KCTD16: variants seen among roughly 807,000 people sequenced by gnomAD.
The protein encoded by KCTD16 is potassium channel tetramerization domain containing 16, also known as BTB/POZ domain-containing protein KCTD16.
Under a neutral mutation model 33.2 loss-of-function variants are expected in KCTD16, and 13 were observed. That is an observed-to-expected ratio of 0.39 (90% CI 0.25 to 0.62). KCTD16 has a LOEUF of 0.62. Among genes scored for constraint, KCTD16 ranks in the 20% least tolerant of loss-of-function variants. The probability of loss-of-function intolerance (pLI) is 0.50; values close to 1 mark genes in which losing one functional copy is unlikely to be tolerated. For synonymous variants in KCTD16, 197 were observed against 195.3 expected (o/e 1.01, Z -0.07); for missense variants, 441 against 525.1 (o/e 0.84, Z 1.57).
At chr5:144,456,220 T>C (rs1754058737) in intron 3 of KCTD16, among the ~76,000 whole-genome samples, 1 of 151,496 alleles carries the variant, frequency 6.6e-6, no homozygotes, top group African/African-American at 2.4e-5. Flanking sequence ...CCCAACAAAA[T>C]ATAATTTTGC....
chr5:144,342,914 T>C (rs1752685848), intron 3 of KCTD16, among the ~76,000 whole-genome samples: 1 of 152,242 alleles, frequency 6.6e-6, no homozygotes, highest in Non-Finnish European at 1.5e-5. Context: ...CAGCCTTGCA[T>C]CCCAGGGATG....
At chr5:144,200,043 A>G (rs948847911) in intron 2 of KCTD16, among the ~76,000 whole-genome samples, 2 of 152,246 alleles carry the variant, frequency 1.3e-5, no homozygotes, top group Admixed American at 1.3e-4. Context: ...AGAAATGTAT[A>G]CTTGCGTACA....
At chr5:144,332,865 G>T (rs946638421) in intron 3 of KCTD16, among the ~76,000 whole-genome samples, 1 of 152,154 alleles carries the variant, frequency 6.6e-6, no homozygotes, top group African/African-American at 2.4e-5. Context: ...CCACATAGCT[G>T]GGAAGGCCTC....
chr5:144,353,846 G>T (rs1751504732), intron 3 of KCTD16, among the ~76,000 whole-genome samples: 1 of 151,670 alleles, frequency 6.6e-6, no homozygotes, highest in Non-Finnish European at 1.5e-5. Flanking sequence ...CGCAAAAAGG[G>T]GTTTAAAACT....
At chr5:144,304,254 G>A (rs917829549) in intron 3 of KCTD16, among the ~76,000 whole-genome samples, 1 of 152,202 alleles carries the variant, frequency 6.6e-6, no homozygotes, top group African/African-American at 2.4e-5. Flanking sequence ...GGGTAATAGT[G>A]CTGTGGGGAA....
intron 3 of KCTD16, among the ~76,000 whole-genome samples, chr5:144,257,408 G>C (rs1293440122): frequency 1.3e-5 from 2 of 152,062 alleles, no homozygotes; most frequent in African/African-American, 4.8e-5. Flanking sequence ...ATTTGTTTCA[G>C]GTTTGCAAAT....
At chr5:144,359,142 A>G (rs1751645400) in intron 3 of KCTD16, among the ~76,000 whole-genome samples, 1 of 152,210 alleles carries the variant, frequency 6.6e-6, no homozygotes. Context: ...TACTTACTGC[A>G]TCGGAAATTA....
At chr5:144,244,022 C>A (rs1259490663) in intron 3 of KCTD16, among the ~76,000 whole-genome samples, 1 of 152,146 alleles carries the variant, frequency 6.6e-6, no homozygotes, top group Non-Finnish European at 1.5e-5. Context: ...GGATTACAGG[C>A]ATGAGCCACC....
In KCTD16 at chr5:144,266,782, A is replaced by ATT. The variant is rs35899622; in HGVS notation, c.832+59245_832+59246dup. Reference sequence around the variant, plus strand: ...ACCCAGCTAATCACACAAGATTTCTATTTTTTTTTTATAGCCAGCAGTTGG... The same window carrying ATT: ...ACCCAGCTAATCACACAAGATTTCTATTTTTTTTTTTTATAGCCAGCAGTTGG... On this transcript the variant is annotated intron_variant, in intron 3 of 3. Coordinates refer to ENST00000512467, the MANE Select transcript of KCTD16 (RefSeq NM_020768.4). Among the ~76,000 whole-genome samples, 90 of 149,682 alleles carry ATT rather than the reference A, an allele frequency of 6.0e-4. 1 individual carries two copies. Among genetic ancestry groups the ATT allele is most frequent in the East Asian group, 9.8e-4 (5 of 5,078 alleles).
chr5:144,482,373 A>G lies in KCTD16; in HGVS notation c.*8259A>G, dbSNP rs1212573297. On this transcript the variant is annotated 3_prime_UTR_variant, in exon 4 of 4. Transcript: ENST00000512467. ...CTGATACCCTAAGAAACTCACCGTG[A>G]TAAGCTAGCTTCCACGTCTGGAGAA... is the stretch of plus-strand genomic sequence containing the variant. 1 of 151,954 alleles carries G rather than the reference A, an allele frequency of 6.6e-6. No homozygotes were observed. Among genetic ancestry groups the G allele is most frequent in the Non-Finnish European group, 1.5e-5 (1 of 67,938 alleles). 9.4% of individuals were successfully genotyped at this position (151,954 alleles called of 1,614,324 possible).
At chr5:144,296,236 A>G (rs1480411298) in intron 3 of KCTD16, among the ~76,000 whole-genome samples, 1 of 152,226 alleles carries the variant, frequency 6.6e-6, no homozygotes, top group African/African-American at 2.4e-5. Context: ...AAAGGACCCC[A>G]GGAGGTCTGG....
intron 3 of KCTD16, among the ~76,000 whole-genome samples, chr5:144,365,909 G>A (rs1489610162): frequency 1.3e-5 from 2 of 152,104 alleles, no homozygotes; most frequent in African/African-American, 4.8e-5. Context: ...TTCTGCCATT[G>A]GTGTAAAAAT....
At chr5:144,245,327 A>G (rs1754519850) in intron 3 of KCTD16, among the ~76,000 whole-genome samples, 1 of 152,224 alleles carries the variant, frequency 6.6e-6, no homozygotes. Context: ...ATGAGGGAAT[A>G]GAGGGTTTAA....
intron 3 of KCTD16, among the ~76,000 whole-genome samples, chr5:144,266,553 A>C (rs1455434748): frequency 6.6e-6 from 1 of 152,348 alleles, no homozygotes; most frequent in East Asian, 1.9e-4. Flanking sequence ...AAAGCCTGAG[A>C]ATCTAATGGG....
intron 2 of KCTD16, among the ~76,000 whole-genome samples, chr5:144,184,643 T>G (rs888500539): frequency 1.3e-5 from 2 of 152,318 alleles, no homozygotes; most frequent in Non-Finnish European, 2.9e-5. Context: ...GCACAAAGGT[T>G]CTAATTGCTC....
chr5:144,395,533 G>A (rs191874763), intron 3 of KCTD16, among the ~76,000 whole-genome samples: 91 of 152,222 alleles, frequency 6.0e-4, no homozygotes, highest in African/African-American at 2.1e-3. Context: ...ATCGCAGCTG[G>A]GCCAGCTGCC....
intron 3 of KCTD16, among the ~76,000 whole-genome samples, chr5:144,398,364 C>G (rs1752626226): frequency 6.6e-6 from 1 of 152,116 alleles, no homozygotes; most frequent in African/African-American, 2.4e-5. Context: ...CACATACTAA[C>G]ATTTTTATTA....
chr5:144,361,320 C>T (rs1751707717), intron 3 of KCTD16, among the ~76,000 whole-genome samples: 1 of 152,040 alleles, frequency 6.6e-6, no homozygotes, highest in Admixed American at 6.6e-5. Context: ...ATTTCTGGTT[C>T]TAGATTGTTG....
intron 2 of KCTD16, among the ~76,000 whole-genome samples, chr5:144,197,084 G>T (rs1025159467): frequency 4.6e-5 from 7 of 152,182 alleles, no homozygotes; most frequent in Admixed American, 3.3e-4. Flanking sequence ...CTACACACAT[G>T]TTTGGAAAGA....
Sources: gnomAD v4.1 joint callset for allele counts (sites outside exome capture counted in the v4.1 genomes callset) on GRCh38, gnomAD v4.1.1 for gene constraint, MANE v1.5 for transcripts, NCBI Gene and HGNC (gene_info 2026-07-23, HGNC 2026-07-21) for gene names.